Variants in CACNA1C observed in about 807,000 individuals in gnomAD.
CACNA1C encodes the protein voltage-dependent L-type calcium channel subunit alpha-1C.
CACNA1C carries 30 observed loss-of-function variants against 229.0 expected under a neutral mutation model. That is an observed-to-expected ratio of 0.13 (90% CI 0.10 to 0.18). CACNA1C has a LOEUF of 0.18. Among genes scored for constraint, CACNA1C ranks in the 10% least tolerant of loss-of-function variants. The pLI is 1.00. For missense variants in CACNA1C, 1,658 were observed against 2,845.0 expected (o/e 0.58, Z 9.49); for synonymous variants, 1,114 against 1,132.5 (o/e 0.98, Z 0.33).
intron 3 of CACNA1C, among the ~76,000 whole-genome samples, chr12:2,324,888 A>T (rs2096218462): frequency 6.6e-6 from 1 of 152,134 alleles, no homozygotes; most frequent in Admixed American, 6.5e-5. Context: ...CGTGCCAGGG[A>T]CTGCGCTGGA....
chr12:2,425,821 G>A (rs979452153), intron 3 of CACNA1C, among the ~76,000 whole-genome samples: 22 of 152,154 alleles, frequency 1.4e-4, no homozygotes, highest in Non-Finnish European at 2.9e-4. Context: ...CCAATGCCTG[G>A]GACAAATGAA....
chr12:2,370,301 A>G (rs977346565), intron 3 of CACNA1C, among the ~76,000 whole-genome samples: 20 of 152,274 alleles, frequency 1.3e-4, no homozygotes, highest in Non-Finnish European at 2.2e-4. Context: ...AGCAATGCAT[A>G]TCAAGGTCTT....
rs911876810 is a variant in CACNA1C, at chr12:2,665,338, T to C, written c.4399-243T>C. Reference sequence around the variant, plus strand: ...AGTCCCCCTCTGTCCTGCACAGCCCTGCCCAGCAGCTCGGTAGGAGGGAAG... The same window carrying C: ...AGTCCCCCTCTGTCCTGCACAGCCCCGCCCAGCAGCTCGGTAGGAGGGAAG... On this transcript the variant is annotated intron_variant, in intron 35 of 46. Coordinates refer to ENST00000399655, the MANE Select transcript of CACNA1C (RefSeq NM_000719.7). The surrounding 1 kb of genome is among the most constrained non-coding windows in gnomAD (Gnocchi z 5.9). Among the ~76,000 whole-genome samples the C allele has an allele frequency of 6.6e-6, 1 of 152,194 alleles. No homozygotes were observed. Among genetic ancestry groups the C allele is most frequent in the African/African-American group, 2.4e-5 (1 of 41,448 alleles).
rs2053221087 is a variant in CACNA1C, at chr12:2,053,783, G to A, written c.49+172G>A. 6.6e-6 allele frequency among the ~76,000 whole-genome samples: 1 copy of A among 150,672 alleles called. No individual in the cohort carries two copies. The highest frequency in any genetic ancestry group is 2.0e-4 in the East Asian group (1 of 5,006). On this transcript the variant is annotated intron_variant, in intron 1 of 46. Coordinates refer to ENST00000399655, the MANE Select transcript of CACNA1C (RefSeq NM_000719.7). This position sits in a 1 kb window ranked among gnomAD's most constrained non-coding sequence, Gnocchi z 5.8. ...CGCCCGGGAGCCCGGCGGGACCGGG[G>A]CCCGAACCGCCGCGCGAGACGGAGC...
At chr12:2,084,002 A>T (rs2066633278) in intron 1 of CACNA1C, among the ~76,000 whole-genome samples, 1 of 152,222 alleles carries the variant, frequency 6.6e-6, no homozygotes, top group African/African-American at 2.4e-5. Context: ...CATAAAATTA[A>T]ATTATTCTAT....
chr12:2,572,584 TCCTCCTTCTCCTCTCC>T (rs1221692721), intron 13 of CACNA1C, among the ~76,000 whole-genome samples: 4 of 83,734 alleles, frequency 4.8e-5, no homozygotes, highest in Non-Finnish European at 4.9e-5. Context: ...TCTCCTCTCC[TCCTCCTTCTCCTCTCC>T]TCCTCCTTCT....
intron 5 of CACNA1C, among the ~76,000 whole-genome samples, chr12:2,471,361 G>A (rs756172676): frequency 7.2e-5 from 11 of 151,780 alleles, no homozygotes; most frequent in African/African-American, 2.4e-4. Flanking sequence ...GTAAATTATG[G>A]GAAAAAATAA....
At chr12:2,640,079 C>T (rs995095757) in intron 30 of CACNA1C, among the ~76,000 whole-genome samples, 2 of 152,166 alleles carry the variant, frequency 1.3e-5, no homozygotes, top group African/African-American at 2.4e-5. Flanking sequence ...TGAGGATGAC[C>T]TGATGAGCAC....
At chr12:2,528,494 T>C (rs924211098) in intron 9 of CACNA1C, among the ~76,000 whole-genome samples, 1 of 152,222 alleles carries the variant, frequency 6.6e-6, no homozygotes, top group Non-Finnish European at 1.5e-5. Flanking sequence ...CCAACGATCC[T>C]CTGCACACTT....
chr12:2,693,496 A>T lies in CACNA1C; in HGVS notation c.*2297A>T, dbSNP rs144409413. The T allele has an allele frequency of 3.9e-5, 6 of 152,296 alleles. No individual in the cohort carries two copies. In the East Asian group the frequency reaches 1.2e-3, roughly 29 times the overall value. 9.4% of individuals were successfully genotyped at this position (152,296 alleles called of 1,614,324 possible). On this transcript the variant is annotated 3_prime_UTR_variant, in exon 47 of 47. Transcript: ENST00000399655. ...AGGACAGCAGGGGCTCGAGAAAGGA[A>T]CTGGTGAAACCCTGATCCATCTGAA... is the stretch of plus-strand genomic sequence containing the variant.
At chr12:2,334,882 G>A (rs1161296379) in intron 3 of CACNA1C, among the ~76,000 whole-genome samples, 1 of 152,128 alleles carries the variant, frequency 6.6e-6, no homozygotes, top group Non-Finnish European at 1.5e-5. Context: ...GGTTTCCATT[G>A]TGTGTTCAAG....
intron 3 of CACNA1C, among the ~76,000 whole-genome samples, chr12:2,360,114 G>C (rs553187920): frequency 6.6e-6 from 1 of 151,166 alleles, no homozygotes; most frequent in African/African-American, 2.4e-5. Context: ...TGGGAGGAAA[G>C]TCCAGGTGTC....
chr12:2,245,754 AG>A (rs1300287414), intron 3 of CACNA1C, among the ~76,000 whole-genome samples: 1 of 152,156 alleles, frequency 6.6e-6, no homozygotes, highest in Admixed American at 6.5e-5. Context: ...AACTGACACA[AG>A]GGTAGTTGCA....
intron 3 of CACNA1C, among the ~76,000 whole-genome samples, chr12:2,178,842 A>G (rs2096746100): frequency 6.6e-6 from 1 of 152,110 alleles, no homozygotes; most frequent in South Asian, 2.1e-4. Context: ...CGGGCAGATC[A>G]CCCGAGGTCA....
At chr12:1,972,662 C>G (rs1412134073) in intron 1 of CACNA1C, among the ~76,000 whole-genome samples, 9 of 152,122 alleles carry the variant, frequency 5.9e-5, no homozygotes, top group Admixed American at 5.9e-4. Flanking sequence ...CTTCTCCCAG[C>G]CTTTCAAATG....
rs1347596085 is a variant in CACNA1C, at chr12:2,034,521, G to A, written c.139+63320G>A. Among the ~76,000 whole-genome samples, 2 of 152,176 alleles carry A rather than the reference G, an allele frequency of 1.3e-5. No homozygotes were observed. Among genetic ancestry groups the A allele is most frequent in the African/African-American group, 2.4e-5 (1 of 41,422 alleles). On this transcript the variant is annotated intron_variant, in intron 1 of 46. Coordinates refer to the CACNA1C transcript ENST00000682462. This position sits in a 1 kb window ranked among gnomAD's most constrained non-coding sequence, Gnocchi z 4.1. ...GAGGTACTAAGGTTGAGGGTACTGT[G>A]GTGGGTATTTAATACTAAGAGTCCC...
chr12:2,374,823 G>A (rs1411541197), intron 3 of CACNA1C, among the ~76,000 whole-genome samples: 1 of 152,210 alleles, frequency 6.6e-6, no homozygotes, highest in African/African-American at 2.4e-5. Context: ...AGCCGGGAAA[G>A]CAAACAATGA....
chr12:2,585,973 G>A lies in CACNA1C; in HGVS notation c.2530+69G>A, dbSNP rs182725355. ...AGAGATCTAAATTCTAAAGCCACGT[G>A]GGAGTGGCCATATATTAGGGACCAT... On this transcript the variant is annotated intron_variant, in intron 18 of 46. Coordinates refer to ENST00000399655, the MANE Select transcript of CACNA1C (RefSeq NM_000719.7). This position sits in a 1 kb window ranked among gnomAD's most constrained non-coding sequence, Gnocchi z 4.1. The A allele has an allele frequency of 2.2e-5, 20 of 922,786 alleles. No homozygotes were observed. In the Admixed American group the frequency reaches 2.3e-4, roughly 11 times the overall value. 57.2% of individuals were successfully genotyped at this position (922,786 alleles called of 1,614,324 possible).
chr12:2,519,096 C>T (rs1057299910), intron 9 of CACNA1C, among the ~76,000 whole-genome samples: 11 of 152,244 alleles, frequency 7.2e-5, no homozygotes, highest in African/African-American at 2.7e-4. Context: ...CAGCAGCACT[C>T]CCTAACTGTC....
Sources: gnomAD v4.1 joint callset for allele counts (sites outside exome capture counted in the v4.1 genomes callset) on GRCh38, gnomAD v4.1.1 for gene constraint, Gnocchi (gnomAD v3.1) non-coding constraint, MANE v1.5 for transcripts, NCBI Gene and HGNC (gene_info 2026-07-23, HGNC 2026-07-21) for gene names.